Variants in PCLO observed in about 807,000 individuals in gnomAD.
PCLO encodes the protein piccolo presynaptic cytomatrix protein.
PCLO carries 82 observed loss-of-function variants against 427.5 expected under a neutral mutation model. That is an observed-to-expected ratio of 0.19 (90% confidence interval 0.16 to 0.23). PCLO has a LOEUF of 0.23. PCLO is among the 10% of genes least tolerant of loss of function. The pLI is 1.00. For synonymous variants in PCLO, 2,357 were observed against 2,155.4 expected (o/e 1.09, Z -2.59); for missense variants, 6,239 against 6,115.9 (o/e 1.02, Z -0.67).
chr7:82,961,360 C>G (rs1229077916), intron 4 of PCLO, among the ~76,000 whole-genome samples: 1 of 152,098 alleles, frequency 6.6e-6, no homozygotes, highest in African/African-American at 2.4e-5. Flanking sequence ...GGAGAAAGCA[C>G]AAGCTTTGTT....
intron 3 of PCLO, among the ~76,000 whole-genome samples, chr7:83,013,019 T>C (rs1788122737): frequency 6.6e-6 from 1 of 152,142 alleles, no homozygotes; most frequent in Non-Finnish European, 1.5e-5. Flanking sequence ...TCAATACTCA[T>C]CCCACACTGC....
intron 9 of PCLO, among the ~76,000 whole-genome samples, chr7:82,900,531 C>A (rs970981059): frequency 1.3e-4 from 16 of 123,856 alleles, no homozygotes; most frequent in African/African-American, 4.6e-4. Flanking sequence ...TATATTTTAT[C>A]TCATTGATTT....
intron 3 of PCLO, among the ~76,000 whole-genome samples, chr7:83,025,039 T>C (rs1335377850): frequency 5.9e-5 from 9 of 152,116 alleles, no homozygotes; most frequent in South Asian, 4.2e-4. Flanking sequence ...CTCTAAAAAG[T>C]AGAGCGCCTC....
rs1283967645 is a variant in PCLO at position 83,154,918 on chromosome 7, A to G, written c.1723T>C (p.Ser575Pro). 2 of 1,613,878 alleles carry G rather than the reference A, an allele frequency of 1.2e-6. No homozygotes were observed. Among genetic ancestry groups the G allele is most frequent in the African/African-American group, 1.3e-5 (1 of 74,912 alleles). Residue 575 changes from serine (S) to proline (P), a missense_variant, in exon 2 of 25, where the codon TCT (serine) becomes CCT (proline). Around this residue, in one of 5 missense-constraint regions of PCLO, gnomAD observed 4,677 missense variants for 4,468.4 expected, o/e 1.05. Transcript: ENST00000333891. ...KPLQPPTVSPSAKQPPSQGLP... is the reference protein window; with the variant it reads ...KPLQPPTVSPPAKQPPSQGLP... ...CCTTGTGAAGGAGGCTGTTTTGCAGATGGAGACACTGTTGGTGGCTGCAGA... is the reference window on the plus strand; with the variant it reads ...CCTTGTGAAGGAGGCTGTTTTGCAGGTGGAGACACTGTTGGTGGCTGCAGA...
Position 83,155,387 on chromosome 7 carries a change from T to G in PCLO, c.1254A>C (p.Pro418=). 1 of 1,613,834 alleles carries G rather than the reference T, an allele frequency of 6.2e-7. No homozygotes were observed. Among genetic ancestry groups the G allele is most frequent in the East Asian group, 2.2e-5 (1 of 44,864 alleles). Residue 418 remains proline (P), a synonymous_variant, in exon 2 of 25, where the codon CCA becomes CCC. Transcript: ENST00000333891. ...AKPPTQQVGT[P]KPLAQQPGLQ... ...GCCCAGGTTGTTGAGCTAGGGGTTT[T>G]GGTGTCCCCACCTGCTGGGTTGGAG...
chr7:83,004,313 T>C (rs1196770160), intron 3 of PCLO, among the ~76,000 whole-genome samples: 1 of 151,680 alleles, frequency 6.6e-6, no homozygotes, highest in African/African-American at 2.4e-5. Flanking sequence ...AACAGACACA[T>C]AGAACAATGA....
At chr7:83,113,886 A>G (rs1368144536) in intron 3 of PCLO, among the ~76,000 whole-genome samples, 1 of 152,148 alleles carries the variant, frequency 6.6e-6, no homozygotes, top group African/African-American at 2.4e-5. Context: ...TTGAAATCAT[A>G]TTTAGTCAAA....
chr7:82,777,017 T>A (rs1790768838), intron 22 of PCLO, among the ~76,000 whole-genome samples: 1 of 152,160 alleles, frequency 6.6e-6, no homozygotes, highest in African/African-American at 2.4e-5. Flanking sequence ...ATTCCCAACT[T>A]TTTAATGTTG....
chr7:82,986,616 T>C (rs1796262782), intron 3 of PCLO, among the ~76,000 whole-genome samples: 1 of 151,954 alleles, frequency 6.6e-6, no homozygotes, highest in African/African-American at 2.4e-5. Flanking sequence ...TTTATACAGA[T>C]GCACAAGATG....
At position 82,848,304 on chromosome 7, in the gene PCLO, GTTTTTTTTTT is replaced by G. The variant is rs71522632; in HGVS notation, c.13655-1067_13655-1058del. On this transcript the variant is annotated intron_variant, in intron 10 of 24. Transcript: ENST00000333891. The stretch of plus-strand genomic sequence containing the variant: ...AATTATGTTGTTGAACCATTAGTTA[GTTTTTTTTTT>G]TTTTTTTTTTTTTTTTAAACAGGTC... 1.5e-4 allele frequency among the ~76,000 whole-genome samples: 13 copies of G among 83,888 alleles called. No individual in the cohort carries two copies. The South Asian group carries it at 6.8e-3, about 44-fold the overall frequency. The allele number at this position is 83,888 out of a possible 152,430, so 55.0% of individuals were successfully genotyped here.
intron 1 of PCLO, among the ~76,000 whole-genome samples, chr7:83,156,845 T>G (rs1792315752): frequency 6.6e-6 from 1 of 152,106 alleles, no homozygotes; most frequent in African/African-American, 2.4e-5. Flanking sequence ...TATAAGAAAG[T>G]CTTCCAAATG....
intron 6 of PCLO, among the ~76,000 whole-genome samples, chr7:82,918,438 G>C (rs1794518824): frequency 6.6e-6 from 1 of 151,706 alleles, no homozygotes; most frequent in Non-Finnish European, 1.5e-5. Context: ...CCACATTCTA[G>C]ATCTTTACAT....
chr7:83,027,569 C>G (rs1291094731), intron 3 of PCLO, among the ~76,000 whole-genome samples: 1 of 151,316 alleles, frequency 6.6e-6, no homozygotes, highest in Non-Finnish European at 1.5e-5. Flanking sequence ...CTATTCCAAT[C>G]AACAGAAAAA....
intron 22 of PCLO, among the ~76,000 whole-genome samples, chr7:82,796,030 T>C (rs1255405250): frequency 6.6e-6 from 1 of 152,166 alleles, no homozygotes; most frequent in African/African-American, 2.4e-5. Context: ...TCTCTGAAAG[T>C]CTAAAATATT....
chr7:82,819,479 A>C (rs539001285), intron 20 of PCLO, among the ~76,000 whole-genome samples: 5 of 50,950 alleles, frequency 9.8e-5, no homozygotes, highest in African/African-American at 2.6e-4. Flanking sequence ...AATTGAAAGA[A>C]TATTTAAAGA....
In PCLO at chr7:82,914,988, G is replaced by T. The variant is rs1197615653; in HGVS notation, c.12998C>A (p.Ser4333Tyr). 1.9e-6 allele frequency: 3 copies of T among 1,613,584 alleles called. No individual in the cohort carries two copies. Among genetic ancestry groups the T allele is most frequent in the Admixed American group, 3.3e-5 (2 of 59,960 alleles). ...ALDVSFSHAS[S>Y]SARTKPTSLP... ...ACTGGTCGGCTTAGTTCTGGCAGAGGATGATGCATGACTAAAGGAAACATC... is the reference window on the plus strand; with the variant it reads ...ACTGGTCGGCTTAGTTCTGGCAGAGTATGATGCATGACTAAAGGAAACATC... The change falls in exon 7 of 25, where the codon TCC (serine) becomes TAC (tyrosine). Residue 4333 changes from serine to tyrosine, a missense_variant. This residue lies in a region of PCLO where 680 missense variants were observed against 677.3 expected (regional missense o/e 1.00). Coordinates refer to ENST00000333891, the MANE Select transcript of PCLO (RefSeq NM_033026.6).
Position 83,149,005 on chromosome 7 carries a change from T to C in PCLO, c.1893+5743A>G, listed in dbSNP as rs1480428510. Reference sequence around the variant, plus strand: ...GTAATGTTCTATTTGTTTTCTTTTTTGCAATACCCCATTGTGGGAGAGAAG... The same window carrying C: ...GTAATGTTCTATTTGTTTTCTTTTTCGCAATACCCCATTGTGGGAGAGAAG... On this transcript the variant is annotated intron_variant, in intron 2 of 24. Coordinates refer to ENST00000333891, the MANE Select transcript of PCLO (RefSeq NM_033026.6). Among the ~76,000 whole-genome samples, 4 of 152,206 alleles carry C rather than the reference T, an allele frequency of 2.6e-5. No individual in the cohort carries two copies. In the East Asian group the frequency reaches 5.8e-4, roughly 22 times the overall value.
rs1791990436 is a variant in PCLO at position 82,827,952 on chromosome 7, C to T, written c.14264G>A (p.Arg4755Lys). The T allele has an allele frequency of 6.3e-7, 1 of 1,592,186 alleles. No individual in the cohort carries two copies. Among genetic ancestry groups the T allele is most frequent in the Non-Finnish European group, 8.6e-7 (1 of 1,161,666 alleles). The change falls in exon 17 of 25, where the codon AGA becomes AAA. Residue 4755 changes from arginine (R) to lysine (K), a missense_variant. Transcript: ENST00000333891. Reference sequence around the variant, plus strand: ...ACTTTTCTGGACATGTTTAGTCCTTCTCTTGTACTCAGCACTGAATTGGGA... The same window carrying T: ...ACTTTTCTGGACATGTTTAGTCCTTTTCTTGTACTCAGCACTGAATTGGGA... ...VVQNASAEYK[R>K]RTKHVQKSLN...
chr7:82,879,261 CATTTGCATATTAAATTAAAATGTATTTA>C, intron 10 of PCLO, 48 bp downstream of exon 10: 1 of 1,279,022 alleles, frequency 7.8e-7, no homozygotes, highest in East Asian at 2.6e-5. Context: ...AGGATGAGAA[CATTTGCATATTAAATTAAAATGTATTTA>C]ATATGAGTGC....
Sources: gnomAD v4.1 joint callset for allele counts (sites outside exome capture counted in the v4.1 genomes callset) on GRCh38, gnomAD v4.1.1 for gene constraint, gnomAD v4.1.1 regional missense constraint, MANE v1.5 for transcripts, NCBI Gene and HGNC (gene_info 2026-07-23, HGNC 2026-07-21) for gene names.